PCNX2: variants seen among roughly 807,000 people sequenced by gnomAD.
The protein encoded by PCNX2 is pecanex-like protein 2.
PCNX2 carries 168 observed loss-of-function variants against 223.8 expected under a neutral mutation model. The observed-to-expected ratio is 0.75, with a 90% CI of 0.66 to 0.85. The LOEUF (loss-of-function observed/expected upper bound fraction) is 0.85. PCNX2 is among the 40% of genes least tolerant of loss of function. The pLI, the probability that PCNX2 is intolerant of heterozygous loss-of-function variation, is 0.00. For missense variants in PCNX2, 2,507 were observed against 2,675.5 expected, an observed-to-expected ratio of 0.94 and a Z score of 1.39; for synonymous variants, 1,006 against 1,052.6, an observed-to-expected ratio of 0.96 and a Z score of 0.86.
chr1:233,269,789 G>C (rs985958068), intron 1 of PCNX2, among the ~76,000 whole-genome samples: 3 of 152,162 alleles, frequency 2.0e-5, no homozygotes, highest in African/African-American at 7.2e-5. Context: ...TGGGATGATT[G>C]TGCTGTATGC....
At chr1:233,029,061 A>G (rs1335954812) in intron 25 of PCNX2, among the ~76,000 whole-genome samples, 1 of 151,778 alleles carries the variant, frequency 6.6e-6, no homozygotes, top group Non-Finnish European at 1.5e-5. Flanking sequence ...GCTGGTCTTG[A>G]ACTCCTGACC....
At chr1:233,179,479 C>A (rs1358969994) in intron 15 of PCNX2, among the ~76,000 whole-genome samples, 1 of 152,086 alleles carries the variant, frequency 6.6e-6, no homozygotes, top group Non-Finnish European at 1.5e-5. Flanking sequence ...ATGTGTCCCT[C>A]CTCTGAATTC....
intron 8 of PCNX2, among the ~76,000 whole-genome samples, chr1:233,242,164 T>C (rs765330431): frequency 2.6e-5 from 4 of 152,188 alleles, no homozygotes; most frequent in Admixed American, 6.5e-5. Context: ...TTCAGAGATA[T>C]ACGGCAGCTT....
intron 1 of PCNX2, among the ~76,000 whole-genome samples, chr1:233,275,126 T>C (rs1558416473): frequency 6.6e-6 from 1 of 152,210 alleles, no homozygotes; most frequent in African/African-American, 2.4e-5. Flanking sequence ...CACGGCTCTT[T>C]TGCTAGTGTT....
At chr1:233,167,799 A>G (rs1417113305) in intron 17 of PCNX2, 1 of 983,200 alleles carries the variant, frequency 1.0e-6, no homozygotes, top group Non-Finnish European at 1.2e-6. Context: ...AATAAGCTCT[A>G]AAAAGTTTGT....
In PCNX2 at chr1:232,986,135, A is replaced by G; in HGVS notation, c.6197T>C (p.Ile2066Thr). Residue 2066 changes from isoleucine to threonine, a missense_variant, in exon 33 of 34, where the codon ATC (isoleucine) becomes ACC (threonine). Transcript: ENST00000258229. Reference sequence around the variant, plus strand: ...AGCCCTGGCTGAGGGGCCCATCACGATGTTGACGCTGCTGGATGACTGGGT... The same window carrying G: ...AGCCCTGGCTGAGGGGCCCATCACGGTGTTGACGCTGCTGGATGACTGGGT... ...SDTQSSSSVN[I>T]VMGPSARAAS... The G allele has an allele frequency of 6.4e-7, 1 of 1,570,278 alleles. No individual in the cohort carries two copies. Among genetic ancestry groups the G allele is most frequent in the Non-Finnish European group, 8.6e-7 (1 of 1,157,020 alleles).
intron 1 of PCNX2, among the ~76,000 whole-genome samples, chr1:233,276,167 T>C (rs1312866997): frequency 6.6e-6 from 1 of 152,244 alleles, no homozygotes; most frequent in Non-Finnish European, 1.5e-5. Context: ...TGATACATGC[T>C]ACAACATGAA....
At chr1:233,044,768 A>C (rs66634731) in intron 25 of PCNX2, among the ~76,000 whole-genome samples, 17,536 of 151,746 alleles carry the variant, frequency 0.12, 1,117 homozygotes, top group East Asian at 0.26. Flanking sequence ...TCTCAGATTC[A>C]AGTGATTCTC....
rs2103034760 is a variant in PCNX2, at chr1:233,295,618, C to T, written c.-140G>A. ...CCGCCGCCGTCGCCCCCGCCGCCTC[C>T]TTCCACCCCACGTTTGAAGCTGGAG... On this transcript the variant is annotated 5_prime_UTR_variant, in exon 1 of 34. Coordinates refer to ENST00000258229, the MANE Select transcript of PCNX2 (RefSeq NM_014801.4). The surrounding 1 kb of genome is among the most constrained non-coding windows in gnomAD (Gnocchi z 4.1). 8.6e-6 allele frequency: 8 copies of T among 930,826 alleles called. No homozygotes were observed. The highest frequency in any genetic ancestry group is 1.7e-5 in the African/African-American group (1 of 57,394). 57.7% of individuals were successfully genotyped at this position (930,826 alleles called of 1,614,324 possible).
chr1:233,199,123 A>G, intron 14 of PCNX2, 93 bp from the exon 15 acceptor site: 1 of 1,156,696 alleles, frequency 8.6e-7, no homozygotes, highest in Non-Finnish European at 1.2e-6. Context: ...ACATTCGCAT[A>G]CAAGATGCCT....
intron 24 of PCNX2, among the ~76,000 whole-genome samples, chr1:233,055,424 G>A (rs964422219): frequency 3.9e-5 from 6 of 152,102 alleles, no homozygotes; most frequent in African/African-American, 1.4e-4. Context: ...CCAGGGGTGC[G>A]TGTTGAGTGG....
intron 1 of PCNX2, among the ~76,000 whole-genome samples, chr1:233,282,522 T>C (rs889108630): frequency 1.3e-5 from 2 of 152,172 alleles, no homozygotes; most frequent in Admixed American, 1.3e-4. Flanking sequence ...TCTCAGTCAG[T>C]GGCACCTCAT....
At chr1:233,119,584 CAA>C (rs1300600439) in intron 21 of PCNX2, among the ~76,000 whole-genome samples, 3 of 63,946 alleles carry the variant, frequency 4.7e-5, no homozygotes, top group Non-Finnish European at 3.4e-5. Flanking sequence ...GACCTTGTCT[CAA>C]AAAAAAAAAA....
intron 25 of PCNX2, among the ~76,000 whole-genome samples, chr1:233,051,891 C>T (rs767202142): frequency 1.6e-4 from 24 of 152,052 alleles, no homozygotes; most frequent in Non-Finnish European, 3.1e-4. Context: ...AATAAAAGAA[C>T]TTTTAAGAAA....
At position 232,983,929 on chromosome 1, in the gene PCNX2, T is replaced by G; in HGVS notation, c.*375A>C. On this transcript the variant is annotated 3_prime_UTR_variant, in exon 34 of 34. Transcript: ENST00000258229. ...TCAGGGCATTTGTTTCATGGCTCTG[T>G]TGAGTTGTTTTAAGTTAGTGAATGG... is the stretch of plus-strand genomic sequence containing the variant. 6.0e-6 allele frequency: 1 copy of G among 167,904 alleles called. No homozygotes were observed. Among genetic ancestry groups the G allele is most frequent in the Non-Finnish European group, 1.3e-5 (1 of 78,922 alleles). 10.4% of individuals were successfully genotyped at this position (167,904 alleles called of 1,614,324 possible). A position where few individuals can be genotyped will look rare whatever the true frequency, so the allele number is the denominator to read the frequency against.
At chr1:233,134,724 A>G in intron 21 of PCNX2, 1 of 470,122 alleles carries the variant, frequency 2.1e-6, no homozygotes, top group South Asian at 3.4e-5. Context: ...TTTAAGATCT[A>G]GGGAAATCTT....
In PCNX2 at chr1:233,257,740, T is replaced by C. The variant is rs149279592; in HGVS notation, c.1834+288A>G. On this transcript the variant is annotated intron_variant, in intron 5 of 33. Coordinates refer to ENST00000258229, the MANE Select transcript of PCNX2 (RefSeq NM_014801.4). ...GCGAGTACTTGCCACAGTAGTAAAA[T>C]ATAATTGCTTATTTCTCTGGGAGTA... Among the ~76,000 whole-genome samples the C allele has an allele frequency of 3.1e-3, 472 of 152,326 alleles. 2 individuals carry two copies. Among genetic ancestry groups the C allele is most frequent in the African/African-American group, 0.011 (457 of 41,572 alleles).
chr1:233,041,539 A>G (rs913265221), intron 25 of PCNX2, among the ~76,000 whole-genome samples: 3 of 152,112 alleles, frequency 2.0e-5, no homozygotes, highest in African/African-American at 4.8e-5. Flanking sequence ...TACAGGACCC[A>G]CTTCTTGGTC....
chr1:233,282,684 T>C (rs908880722), intron 1 of PCNX2, among the ~76,000 whole-genome samples: 1 of 152,216 alleles, frequency 6.6e-6, no homozygotes, highest in East Asian at 1.9e-4. Flanking sequence ...CTTGACTGGG[T>C]GACTGAAATA....
Sources: allele counts gnomAD v4.1 joint callset (sites outside exome capture counted in the v4.1 genomes callset), GRCh38; gene constraint gnomAD v4.1.1; non-coding constraint Gnocchi (gnomAD v3.1); transcripts MANE v1.5; gene names NCBI Gene and HGNC (gene_info 2026-07-23, HGNC 2026-07-21).